The following TLN2 variants were observed in gnomAD, a reference collection of about 807,000 sequenced individuals.
The protein encoded by TLN2 is talin-2.
A neutral mutation model predicts 294.7 loss-of-function variants in TLN2; 118 were observed. That is an observed-to-expected ratio of 0.40 (90% CI 0.34 to 0.47). TLN2 has a LOEUF of 0.47. TLN2 is among the 20% of genes least tolerant of loss of function. TLN2 has a pLI of 0.84. For missense variants in TLN2, 3,083 were observed against 3,282.2 expected (o/e 0.94, Z 1.48); for synonymous variants, 1,431 against 1,304.5 (o/e 1.10, Z -2.09).
intron 1 of TLN2, among the ~76,000 whole-genome samples, chr15:62,550,233 A>C (rs1361619321): frequency 2.0e-5 from 3 of 152,184 alleles, no homozygotes; most frequent in Non-Finnish European, 2.9e-5. Flanking sequence ...TGTCCAACAG[A>C]GCATACTTAC....
chr15:62,397,649 G>C (rs1376770956), intron 1 of TLN2, among the ~76,000 whole-genome samples: 1 of 152,178 alleles, frequency 6.6e-6, no homozygotes, highest in African/African-American at 2.4e-5. Context: ...CCAGGGCTGT[G>C]CTGCACAATC....
intron 1 of TLN2, among the ~76,000 whole-genome samples, chr15:62,463,613 C>T (rs897664918): frequency 2.0e-5 from 3 of 152,146 alleles, no homozygotes; most frequent in Admixed American, 6.6e-5. Context: ...CAGGCCGGCG[C>T]GGTGCCTCAC....
intron 57 of TLN2, chr15:62,837,986 G>A (rs183818497): frequency 2.0e-5 from 3 of 152,308 alleles, no homozygotes; most frequent in Admixed American, 1.3e-4. Flanking sequence ...ACCACTTTTA[G>A]AAGAAAATTC....
At chr15:62,491,478 A>G in intron 1 of TLN2, among the ~76,000 whole-genome samples, 1 of 152,070 alleles carries the variant, frequency 6.6e-6, no homozygotes, top group Non-Finnish European at 1.5e-5. Context: ...AGAGGTAGAT[A>G]AGAGACAAAT....
At position 62,441,810 on chromosome 15, in the gene TLN2, TAAC is replaced by T. The variant is rs1402708746; in HGVS notation, c.-238+51130_-238+51132del. 7.2e-5 allele frequency among the ~76,000 whole-genome samples: 11 copies of T among 152,304 alleles called. 1 individual carries two copies. The South Asian group carries it at 2.3e-3, about 32-fold the overall frequency. ...CATGCCTATTTAATGAGGCCTCTAT[TAAC>T]AACATGAAGGACTGGGTTCAGACAA... is the stretch of plus-strand genomic sequence containing the variant. On this transcript the variant is annotated intron_variant, in intron 1 of 58. Coordinates refer to ENST00000636159, the MANE Select transcript of TLN2 (RefSeq NM_015059.3).
chr15:62,666,996 C>T (rs760461273), intron 9 of TLN2, among the ~76,000 whole-genome samples: 20 of 152,148 alleles, frequency 1.3e-4, no homozygotes, highest in Admixed American at 3.9e-4. Context: ...GATGGAGTCT[C>T]GCTCTGTCGC....
Position 62,692,839 on chromosome 15 carries a change from G to C in TLN2, c.1114-1G>C. On this transcript the variant is annotated splice_acceptor_variant, in intron 12 of 58. Coordinates refer to ENST00000636159, the MANE Select transcript of TLN2 (RefSeq NM_015059.3). LOFTEE classifies it high-confidence loss of function. ...TATTTCCTCCATTGCTGTCTTTTCAGGATTTTGGGGAGTATCAGGAAAGCT... is the reference window on the plus strand; with the variant it reads ...TATTTCCTCCATTGCTGTCTTTTCACGATTTTGGGGAGTATCAGGAAAGCT... The C allele has an allele frequency of 6.2e-7, 1 of 1,612,242 alleles. No homozygotes were observed. Among genetic ancestry groups the C allele is most frequent in the Non-Finnish European group, 8.5e-7 (1 of 1,179,386 alleles).
At chr15:62,614,367 G>C (rs762749864) in intron 2 of TLN2, among the ~76,000 whole-genome samples, 9 of 152,184 alleles carry the variant, frequency 5.9e-5, no homozygotes, top group Non-Finnish European at 1.0e-4. Context: ...CTCTGTGGCA[G>C]GTAAGGGATT....
At chr15:62,546,711 C>A (rs1394536211) in intron 1 of TLN2, among the ~76,000 whole-genome samples, 1 of 152,192 alleles carries the variant, frequency 6.6e-6, no homozygotes, top group African/African-American at 2.4e-5. Flanking sequence ...TCAGTTTGGT[C>A]AGTGGCCACA....
chr15:62,822,875 A>G (rs917894346), intron 54 of TLN2, among the ~76,000 whole-genome samples: 3 of 152,226 alleles, frequency 2.0e-5, no homozygotes, highest in African/African-American at 7.2e-5. Context: ...ATGTACAAGA[A>G]TGATGATGGA....
chr15:62,531,143 T>C (rs2041020716), intron 1 of TLN2, among the ~76,000 whole-genome samples: 1 of 152,244 alleles, frequency 6.6e-6, no homozygotes, highest in South Asian at 2.1e-4. Context: ...ATTGCAGAGC[T>C]ATTCACAATA....
chr15:62,496,924 T>A (rs1248620060), intron 1 of TLN2, among the ~76,000 whole-genome samples: 1 of 152,194 alleles, frequency 6.6e-6, no homozygotes, highest in African/African-American at 2.4e-5. Flanking sequence ...CTTTATTGCA[T>A]GTACACAGGC....
At chr15:62,757,819 G>C (rs957599431) in intron 37 of TLN2, among the ~76,000 whole-genome samples, 1 of 152,180 alleles carries the variant, frequency 6.6e-6, no homozygotes, top group African/African-American at 2.4e-5. Context: ...CTGCCCCTCC[G>C]CGTGTGGAAA....
chr15:62,634,861 C>T (rs1401149861), intron 3 of TLN2, among the ~76,000 whole-genome samples: 4 of 151,964 alleles, frequency 2.6e-5, no homozygotes, highest in African/African-American at 4.9e-5. Flanking sequence ...TAGTCCAATC[C>T]TTCTTCTTCT....
In TLN2 at chr15:62,654,754, C is replaced by CAAAAAAAAAA. The variant is rs59006343; in HGVS notation, c.518-1171_518-1162dup. On this transcript the variant is annotated intron_variant, in intron 7 of 58. Coordinates refer to ENST00000636159, the MANE Select transcript of TLN2 (RefSeq NM_015059.3). ...TGGGTGACAGAGCGTGACTCTGCCT[C>CAAAAAAAAAA]AAAAAAAAAAAAAAAAAAAAAAAAA... is the stretch of plus-strand genomic sequence containing the variant. 5.0e-4 allele frequency among the ~76,000 whole-genome samples: 17 copies of CAAAAAAAAAA among 33,858 alleles called. 1 individual carries two copies. Among genetic ancestry groups the CAAAAAAAAAA allele is most frequent in the African/African-American group, 1.9e-3 (16 of 8,444 alleles). 22.2% of individuals were successfully genotyped at this position (33,858 alleles called of 152,430 possible). A position where few individuals can be genotyped will look rare whatever the true frequency, so the allele number is the denominator to read the frequency against.
At chr15:62,620,911 T>C (rs574499253) in intron 3 of TLN2, among the ~76,000 whole-genome samples, 12 of 134,360 alleles carry the variant, frequency 8.9e-5, no homozygotes, top group African/African-American at 3.3e-4. Context: ...CAATCTCAGC[T>C]CACTGCAAGC....
chr15:62,694,480 C>T, intron 14 of TLN2, 88 bp downstream of exon 14: 10 of 1,055,318 alleles, frequency 9.5e-6, no homozygotes, highest in Non-Finnish European at 1.5e-5. Context: ...TGCTCTGAAG[C>T]CTGTCACCTG....
rs886684935 is a variant in TLN2 at position 62,640,602 on chromosome 15, C to G, written c.-36-6673C>G. ...CCAGCCTTGCGCCAAAGGGTGAGGGCTTTTTCCCTCTTGAATTCTTAGGTT... is the reference window on the plus strand; with the variant it reads ...CCAGCCTTGCGCCAAAGGGTGAGGGGTTTTTCCCTCTTGAATTCTTAGGTT... On this transcript the variant is annotated intron_variant, in intron 3 of 58. Coordinates refer to ENST00000636159, the MANE Select transcript of TLN2 (RefSeq NM_015059.3). 6.6e-5 allele frequency among the ~76,000 whole-genome samples: 10 copies of G among 152,024 alleles called. No homozygotes were observed. In the East Asian group the frequency reaches 1.9e-3, roughly 30 times the overall value.
chr15:62,685,180 C>T (rs1416169938), intron 11 of TLN2, among the ~76,000 whole-genome samples: 1 of 151,860 alleles, frequency 6.6e-6, no homozygotes, highest in Non-Finnish European at 1.5e-5. Flanking sequence ...TTTTTATTTC[C>T]TCTAAGATTA....
Sources: allele counts gnomAD v4.1 joint callset (sites outside exome capture counted in the v4.1 genomes callset), GRCh38; gene constraint gnomAD v4.1.1; transcripts MANE v1.5; gene names NCBI Gene and HGNC (gene_info 2026-07-23, HGNC 2026-07-21).